Variants in NEXMIF observed in about 807,000 individuals in gnomAD.
NEXMIF encodes neurite extension and migration factor, also known as XLMR protein related to neurite extension.
Under a neutral mutation model 62.1 loss-of-function variants are expected in NEXMIF, and 8 were observed. That is an observed-to-expected ratio of 0.13 (90% CI 0.08 to 0.23). The LOEUF is 0.23. Ranked by LOEUF, NEXMIF falls within the 10% of genes least tolerant of loss-of-function variation. The probability of loss-of-function intolerance (pLI) is 1.00; values close to 1 mark genes in which losing one functional copy is unlikely to be tolerated. For missense variants in NEXMIF, 976 were observed against 1,113.3 expected, an observed-to-expected ratio of 0.88 and a Z score of 1.75; for synonymous variants, 404 against 416.6, an observed-to-expected ratio of 0.97 and a Z score of 0.37.
chrX:74,737,028 C>T lies in NEXMIF; in HGVS notation c.*2377G>A, dbSNP rs769703201. The T allele has an allele frequency of 4.5e-5, 5 of 111,188 alleles. No homozygotes were observed. The highest frequency in any genetic ancestry group is 9.5e-5 in the Admixed American group (1 of 10,479). The allele number at this position is 111,188 out of a possible 1,213,427, so 9.2% of individuals were successfully genotyped here. ...CCATTCTCCAAAGCTGAACTGATAC[C>T]GAAAAAAAACTGGGACAACTGCTCC... On this transcript the variant is annotated 3_prime_UTR_variant, in exon 4 of 4. Coordinates refer to ENST00000055682, the MANE Select transcript of NEXMIF (RefSeq NM_001008537.3).
intron 1 of NEXMIF, among the ~76,000 whole-genome samples, chrX:74,796,050 A>G (rs182952983): frequency 3.3e-5 from 3 of 91,563 alleles, no homozygotes; most frequent in African/African-American, 1.2e-4. Flanking sequence ...GCTAGAATGA[A>G]CCCTGTAGTA....
At chrX:74,748,174 T>C (rs2080131556) in intron 1 of NEXMIF, among the ~76,000 whole-genome samples, 1 of 112,058 alleles carries the variant, frequency 8.9e-6, no homozygotes, top group Non-Finnish European at 1.9e-5. Context: ...ATTAATTACC[T>C]CATAAGTTTG....
intron 1 of NEXMIF, among the ~76,000 whole-genome samples, chrX:74,894,809 A>C (rs1177088558): frequency 8.9e-6 from 1 of 112,394 alleles, no homozygotes; most frequent in Non-Finnish European, 1.9e-5. Flanking sequence ...AAAAACCCTC[A>C]AAGAAGGAAC....
At chrX:74,837,856 GA>G (rs370116731) in intron 1 of NEXMIF, among the ~76,000 whole-genome samples, 77 of 111,100 alleles carry the variant, frequency 6.9e-4, no homozygotes, top group African/African-American at 2.3e-3. Context: ...GCATCAAAAG[GA>G]AAAAAAACTG....
rs769243169 is a variant in NEXMIF at position 74,744,466 on chromosome X, G to C, written c.91C>G (p.Gln31Glu). 53 of 1,187,470 alleles carry C rather than the reference G, an allele frequency of 4.5e-5. No individual in the cohort carries two copies. The South Asian group carries it at 5.6e-4, about 12-fold the overall frequency. Reference protein sequence around the residue: ...NGVKENDSEDQDVAMKSFAAL... With the variant: ...NGVKENDSEDEDVAMKSFAAL... ...GCAAATGACTTCATTGCCACATCCT[G>C]GTCCTCTGAGTCTAGAAAAAAGGGA... Residue 31 changes from glutamine (Q) to glutamate (E), a missense_variant, in exon 3 of 4, where the codon CAG becomes GAG. Physicochemically the swap from Gln to Glu is conservative, Grantham distance 29 (BLOSUM62 2). Transcript: ENST00000055682.
At chrX:74,840,997 G>GT (rs1264656383) in intron 1 of NEXMIF, among the ~76,000 whole-genome samples, 1 of 112,101 alleles carries the variant, frequency 8.9e-6, no homozygotes, top group Non-Finnish European at 1.9e-5. Flanking sequence ...TTTTAAAATA[G>GT]TTTTTTCTAA....
intron 1 of NEXMIF, among the ~76,000 whole-genome samples, chrX:74,836,593 C>T (rs955917793): frequency 1.8e-5 from 2 of 111,175 alleles, no homozygotes; most frequent in African/African-American, 6.6e-5. Context: ...AGGACCTAGG[C>T]CCTGGAATAA....
intron 1 of NEXMIF, among the ~76,000 whole-genome samples, chrX:74,830,538 A>G (rs1372788611): frequency 9.0e-6 from 1 of 111,602 alleles, no homozygotes; most frequent in East Asian, 2.8e-4. Flanking sequence ...CAATTCTGAG[A>G]CTTTTGTGGT....
intron 1 of NEXMIF, among the ~76,000 whole-genome samples, chrX:74,784,993 G>C (rs1208026983): frequency 9.0e-6 from 1 of 111,626 alleles, no homozygotes; most frequent in Non-Finnish European, 1.9e-5. Context: ...ATATGTTTCT[G>C]AACTTCATTG....
chrX:74,918,921 T>A (rs2080816894), intron 1 of NEXMIF, among the ~76,000 whole-genome samples: 1 of 112,466 alleles, frequency 8.9e-6, no homozygotes, highest in South Asian at 3.7e-4. Flanking sequence ...AAGATCATCG[T>A]GTCCATTATG....
At chrX:74,842,241 T>C (rs763485531) in intron 1 of NEXMIF, among the ~76,000 whole-genome samples, 11 of 111,728 alleles carry the variant, frequency 9.8e-5, no homozygotes, top group African/African-American at 3.6e-4. Context: ...ATCCATCTCT[T>C]CTAGGTTTTC....
chrX:74,859,681 G>A (rs1255092580), intron 1 of NEXMIF, among the ~76,000 whole-genome samples: 1 of 111,237 alleles, frequency 9.0e-6, no homozygotes, highest in Non-Finnish European at 1.9e-5. Context: ...GCCAATCAAA[G>A]ATAATAACTA....
At chrX:74,771,614 G>T (rs2080210530) in intron 1 of NEXMIF, among the ~76,000 whole-genome samples, 1 of 110,457 alleles carries the variant, frequency 9.1e-6, no homozygotes, top group Admixed American at 9.7e-5. Flanking sequence ...GGTGAGGGTG[G>T]GGAGAAAGGG....
intron 1 of NEXMIF, among the ~76,000 whole-genome samples, chrX:74,753,534 G>C (rs148952569): frequency 0.044 from 4,932 of 111,665 alleles, 129 homozygotes; most frequent in Non-Finnish European, 0.07. Flanking sequence ...TGGAGGAAAT[G>C]CTGTCAGAAA....
At chrX:74,900,702 T>C (rs1308396447) in intron 1 of NEXMIF, among the ~76,000 whole-genome samples, 1 of 111,522 alleles carries the variant, frequency 9.0e-6, no homozygotes, top group African/African-American at 3.3e-5. Context: ...CTTGAAGAGA[T>C]ATTTGTACAC....
chrX:74,798,192 G>GAA lies in NEXMIF; in HGVS notation c.-47-52496_-47-52495insTT, dbSNP rs2080318168. On this transcript the variant is annotated intron_variant, in intron 1 of 3. Transcript: ENST00000055682. ...GGCTTTAATAACTAGGTGACAGGTT[G>GAA]ATCTATTCAGCAAACCATCATGGTT... Among the ~76,000 whole-genome samples the GAA allele has an allele frequency of 2.7e-5, 3 of 111,238 alleles. No individual in the cohort carries two copies. The Admixed American group carries it at 2.9e-4, about 11-fold the overall frequency.
intron 1 of NEXMIF, among the ~76,000 whole-genome samples, chrX:74,782,009 C>A (rs1335599847): frequency 8.9e-6 from 1 of 112,053 alleles, no homozygotes; most frequent in African/African-American, 3.2e-5. Context: ...AGGGAACTAA[C>A]CAGATGACAC....
chrX:74,798,246 C>G (rs1459870257), intron 1 of NEXMIF, among the ~76,000 whole-genome samples: 1 of 111,642 alleles, frequency 9.0e-6, no homozygotes, highest in Non-Finnish European at 1.9e-5. Flanking sequence ...ACACCAAAAA[C>G]CAAACCAAAA....
At chrX:74,754,241 C>T (rs971472594) in intron 1 of NEXMIF, among the ~76,000 whole-genome samples, 2 of 110,723 alleles carry the variant, frequency 1.8e-5, no homozygotes, top group Non-Finnish European at 3.8e-5. Flanking sequence ...GGATTACAGG[C>T]GTGAGCCACT....
Sources: gnomAD v4.1 joint callset for allele counts (sites outside exome capture counted in the v4.1 genomes callset) on GRCh38, gnomAD v4.1.1 for gene constraint, MANE v1.5 for transcripts, NCBI Gene and HGNC (gene_info 2026-07-23, HGNC 2026-07-21) for gene names.